Variants in DACH2 observed in about 807,000 individuals in gnomAD.
DACH2 encodes dachshund homolog 2.
Under a neutral mutation model 35.8 loss-of-function variants are expected in DACH2, and 17 were observed. The ratio of observed to expected loss-of-function variants is 0.48; its 90% CI spans 0.33 to 0.71. The LOEUF (loss-of-function observed/expected upper bound fraction) is 0.71, where lower values mean the gene tolerates loss of function less well. Among genes scored for constraint, DACH2 ranks in the 30% least tolerant of loss-of-function variants. DACH2 has a pLI of 0.02. For missense variants in DACH2, 469 were observed against 472.7 expected (o/e 0.99, Z 0.07); for synonymous variants, 195 against 177.3 (o/e 1.10, Z -0.79).
At chrX:86,317,892 G>A (rs1408842827) in intron 1 of DACH2, among the ~76,000 whole-genome samples, 1 of 111,333 alleles carries the variant, frequency 9.0e-6, no homozygotes, top group Non-Finnish European at 1.9e-5. Flanking sequence ...CTACACAGGG[G>A]CTGTGTAGAC....
chrX:86,181,501 A>G (rs2031494152), intron 1 of DACH2, among the ~76,000 whole-genome samples: 1 of 111,152 alleles, frequency 9.0e-6, no homozygotes, highest in Non-Finnish European at 1.9e-5. Context: ...CATGTCCCTG[A>G]AAAGGACGTG....
chrX:86,438,219 G>GT (rs695264), intron 2 of DACH2, among the ~76,000 whole-genome samples: 5,911 of 81,025 alleles, frequency 0.073, 811 homozygotes, highest in African/African-American at 0.26. Flanking sequence ...GATCTCGTAG[G>GT]TTTTTTTTTT....
chrX:86,767,313 G>C (rs750248862), intron 7 of DACH2, among the ~76,000 whole-genome samples: 9 of 111,512 alleles, frequency 8.1e-5, no homozygotes, highest in Non-Finnish European at 1.7e-4. Flanking sequence ...CTGTTAATTT[G>C]TATTTTACTT....
intron 7 of DACH2, among the ~76,000 whole-genome samples, chrX:86,785,414 G>A (rs2042127843): frequency 8.9e-6 from 1 of 112,016 alleles, no homozygotes; most frequent in Non-Finnish European, 1.9e-5. Context: ...ACATTCCAAT[G>A]TAGGCTTGAC....
chrX:86,154,236 C>A (rs1269411010), intron 1 of DACH2, among the ~76,000 whole-genome samples: 1 of 111,210 alleles, frequency 9.0e-6, no homozygotes, highest in Non-Finnish European at 1.9e-5. Flanking sequence ...TTATCTTATG[C>A]ATTTAGAGAT....
intron 4 of DACH2, among the ~76,000 whole-genome samples, chrX:86,692,787 C>T (rs2148442564): frequency 9.0e-6 from 1 of 111,668 alleles, no homozygotes; most frequent in Non-Finnish European, 1.9e-5. Flanking sequence ...ATATCTTGAA[C>T]ATAGTGCTAA....
At chrX:86,403,803 T>A (rs1437594701) in intron 2 of DACH2, among the ~76,000 whole-genome samples, 1 of 111,206 alleles carries the variant, frequency 9.0e-6, no homozygotes, top group East Asian at 2.8e-4. Flanking sequence ...GTTTTCACTC[T>A]GCTATAAGGA....
chrX:86,387,234 G>T (rs192359979), intron 2 of DACH2, among the ~76,000 whole-genome samples: 2 of 111,261 alleles, frequency 1.8e-5, no homozygotes, highest in Admixed American at 9.6e-5. Context: ...AAATAAATTT[G>T]GGAAATATGG....
In DACH2 at chrX:86,500,576, T is replaced by C. The variant is rs192413937; in HGVS notation, c.528-13703T>C. Among the ~76,000 whole-genome samples, 189 of 112,080 alleles carry C rather than the reference T, an allele frequency of 1.7e-3. 1 individual carries two copies. Among genetic ancestry groups the C allele is most frequent in the Middle Eastern group, 0.014 (3 of 216 alleles). ...TGTTTCAGAGGAAAGAAAGATCTTG[T>C]ATTCATTGCAATTTATCTGGAACAC... On this transcript the variant is annotated intron_variant, in intron 2 of 11. Coordinates refer to ENST00000373125, the MANE Select transcript of DACH2 (RefSeq NM_053281.3).
intron 3 of DACH2, among the ~76,000 whole-genome samples, chrX:86,582,533 T>C (rs2039514588): frequency 9.0e-6 from 1 of 110,689 alleles, no homozygotes; most frequent in Admixed American, 9.7e-5. Context: ...CCATTGACCT[T>C]ACAGAAATGC....
intron 3 of DACH2, among the ~76,000 whole-genome samples, chrX:86,615,177 T>C (rs910466108): frequency 1.6e-4 from 18 of 111,823 alleles, no homozygotes; most frequent in African/African-American, 5.8e-4. Flanking sequence ...TATCAGAATG[T>C]GGATTTGAGT....
intron 2 of DACH2, among the ~76,000 whole-genome samples, chrX:86,463,445 A>T (rs2037610169): frequency 9.0e-6 from 1 of 110,979 alleles, no homozygotes; most frequent in African/African-American, 3.3e-5. Context: ...TATTTAATAA[A>T]TGGTGCTGGA....
intron 3 of DACH2, among the ~76,000 whole-genome samples, chrX:86,528,469 C>A (rs972498714): frequency 1.8e-5 from 2 of 111,210 alleles, no homozygotes; most frequent in Non-Finnish European, 3.8e-5. Context: ...GATAAAAGAC[C>A]CATGTTTAGT....
At chrX:86,272,699 G>C (rs2033836890) in intron 1 of DACH2, among the ~76,000 whole-genome samples, 2 of 111,815 alleles carry the variant, frequency 1.8e-5, no homozygotes, top group South Asian at 7.5e-4. Context: ...TTAGAAGTCA[G>C]CTCAAGTGAG....
chrX:86,568,800 T>C (rs1354947594), intron 3 of DACH2, among the ~76,000 whole-genome samples: 2 of 111,474 alleles, frequency 1.8e-5, no homozygotes, highest in African/African-American at 3.3e-5. Context: ...TTTTGTTATT[T>C]TGTTATTTAA....
At chrX:86,742,920 T>C (rs1245683999) in intron 7 of DACH2, among the ~76,000 whole-genome samples, 1 of 111,309 alleles carries the variant, frequency 9.0e-6, no homozygotes, top group African/African-American at 3.3e-5. Context: ...ATAAATTACA[T>C]ATCCGCCTGA....
At chrX:86,792,681 T>C (rs1193244584) in intron 7 of DACH2, among the ~76,000 whole-genome samples, 1 of 111,778 alleles carries the variant, frequency 8.9e-6, no homozygotes, top group African/African-American at 3.2e-5. Context: ...CTATTCCATC[T>C]ATGTTGCTGC....
intron 1 of DACH2, among the ~76,000 whole-genome samples, chrX:86,283,877 C>T (rs1397638453): frequency 5.7e-5 from 6 of 106,140 alleles, no homozygotes; most frequent in Admixed American, 1.0e-4. Flanking sequence ...TATATACACA[C>T]ACACACACAC....
chrX:86,255,304 T>A lies in DACH2; in HGVS notation c.488+106196T>A, dbSNP rs977942316. On this transcript the variant is annotated intron_variant, in intron 1 of 11. Transcript: ENST00000373125. ...GCTCACTTTTGGCAATTTCTTCTCA[T>A]CTTAGCATACAGAATAGGTAAATTA... Among the ~76,000 whole-genome samples, 3 of 112,026 alleles carry A rather than the reference T, an allele frequency of 2.7e-5. No homozygotes were observed. In the Admixed American group the frequency reaches 2.9e-4, roughly 11 times the overall value.
Sources: gnomAD v4.1 joint callset for allele counts (sites outside exome capture counted in the v4.1 genomes callset) on GRCh38, gnomAD v4.1.1 for gene constraint, MANE v1.5 for transcripts, NCBI Gene and HGNC (gene_info 2026-07-23, HGNC 2026-07-21) for gene names.